Variants in STON2 observed in about 807,000 individuals in gnomAD.
STON2 encodes stonin-2.
Under a neutral mutation model 65.7 loss-of-function variants are expected in STON2, and 29 were observed. The ratio of observed to expected loss-of-function variants is 0.44; its 90% confidence interval spans 0.33 to 0.60. STON2 has a LOEUF of 0.60. Ranked by LOEUF, STON2 falls within the 20% of genes least tolerant of loss-of-function variation. STON2 has a pLI of 0.03. For missense variants in STON2, 1,054 were observed against 1,118.1 expected (o/e 0.94, Z 0.82); for synonymous variants, 404 against 414.2 (o/e 0.98, Z 0.30).
intron 3 of STON2, among the ~76,000 whole-genome samples, chr14:81,378,644 T>C (rs1324477991): frequency 6.6e-6 from 1 of 152,234 alleles, no homozygotes; most frequent in East Asian, 1.9e-4. Context: ...ACATATATTT[T>C]GTTTACTTTT....
intron 4 of STON2, among the ~76,000 whole-genome samples, chr14:81,339,469 T>C (rs1897507493): frequency 1.3e-5 from 2 of 151,970 alleles, no homozygotes; most frequent in African/African-American, 2.4e-5. Flanking sequence ...TCTCCAACCA[T>C]CACTGTGGGA....
chr14:81,264,828 A>C lies in STON2; in HGVS notation c.*3586T>G. 3.0e-6 allele frequency: 3 copies of C among 985,436 alleles called. No individual in the cohort carries two copies. Among genetic ancestry groups the C allele is most frequent in the Non-Finnish European group, 3.6e-6 (3 of 829,926 alleles). 61.0% of individuals were successfully genotyped at this position (985,436 alleles called of 1,614,324 possible). A position where few individuals can be genotyped will look rare whatever the true frequency, so the allele number is the denominator to read the frequency against. ...GAATAACTAGTACTATGTCTGCAAG[A>C]GCAGGCAAGGGGGATCATCTAATGG... On this transcript the variant is annotated 3_prime_UTR_variant, in exon 8 of 8. Transcript: ENST00000614646.
intron 5 of STON2, among the ~76,000 whole-genome samples, chr14:81,318,818 A>G (rs2371574): frequency 0.83 from 126,058 of 152,238 alleles, 52,473 homozygotes; most frequent in African/African-American, 0.89. Flanking sequence ...TCCAGCCTGG[A>G]TGACAGAGTG....
chr14:81,370,048 T>G (rs1405894923), intron 4 of STON2, among the ~76,000 whole-genome samples: 1 of 152,086 alleles, frequency 6.6e-6, no homozygotes, highest in Admixed American at 6.5e-5. Context: ...TCTGCAACAT[T>G]ATCAAATACC....
chr14:81,426,950 AC>A (rs767067401), intron 2 of STON2, among the ~76,000 whole-genome samples: 6 of 152,218 alleles, frequency 3.9e-5, no homozygotes, highest in Non-Finnish European at 7.3e-5. Context: ...TTTGATAAAC[AC>A]TTACGTAACA....
chr14:81,390,193 CAA>C (rs759154677), intron 3 of STON2, among the ~76,000 whole-genome samples: 27 of 88,242 alleles, frequency 3.1e-4, no homozygotes, highest in East Asian at 3.2e-4. Context: ...GACTCCATTT[CAA>C]AAAAAAAAAA....
At chr14:81,304,219 A>C (rs901762929) in intron 5 of STON2, among the ~76,000 whole-genome samples, 2 of 152,102 alleles carry the variant, frequency 1.3e-5, no homozygotes, top group Non-Finnish European at 2.9e-5. Context: ...CCACACACCT[A>C]TTATGGAGGA....
chr14:81,275,269 T>C, intron 6 of STON2, among the ~76,000 whole-genome samples: 1 of 152,154 alleles, frequency 6.6e-6, no homozygotes, highest in Non-Finnish European at 1.5e-5. Flanking sequence ...ATTATTTCAA[T>C]ATTTGTGTCT....
At chr14:81,399,990 C>A (rs1689727427) in intron 1 of STON2, among the ~76,000 whole-genome samples, 1 of 152,166 alleles carries the variant, frequency 6.6e-6, no homozygotes, top group Admixed American at 6.5e-5. Flanking sequence ...CTTCTGCAGC[C>A]AAAACACTCT....
intron 5 of STON2, among the ~76,000 whole-genome samples, chr14:81,289,348 G>C (rs891331526): frequency 6.6e-6 from 1 of 152,122 alleles, no homozygotes; most frequent in Non-Finnish European, 1.5e-5. Context: ...GCTCACCGTT[G>C]CAATAGTTAG....
chr14:81,405,081 T>C (rs1444597844), upstream of STON2, among the ~76,000 whole-genome samples: 4 of 152,206 alleles, frequency 2.6e-5, no homozygotes. Flanking sequence ...TTAGAACTCA[T>C]TTTACTCGAA....
intron 5 of STON2, among the ~76,000 whole-genome samples, chr14:81,283,530 A>ATT (rs10653687): frequency 0.41 from 52,368 of 128,730 alleles, 12,460 homozygotes; most frequent in Middle Eastern, 0.55. Context: ...CAGATACTGC[A>ATT]TTTTTTTTTT....
In STON2 at chr14:81,261,957, AAAAAAG is replaced by A; in HGVS notation, c.*6451_*6456del. 6.9e-7 allele frequency: 1 copy of A among 1,439,818 alleles called. No homozygotes were observed. The highest frequency in any genetic ancestry group is 9.1e-7 in the Non-Finnish European group (1 of 1,103,636). The allele number at this position is 1,439,818 out of a possible 1,614,324, so 89.2% of individuals were successfully genotyped here. A position where few individuals can be genotyped will look rare whatever the true frequency, so the allele number is the denominator to read the frequency against. On this transcript the variant is annotated 3_prime_UTR_variant, in exon 8 of 8. Transcript: ENST00000614646. ...CTGGGGAAATGATAAAAAAAAAAAA[AAAAAAG>A]AGAGAGATGTGAAAAGGAAAAAGAT... is the stretch of plus-strand genomic sequence containing the variant.
At chr14:81,351,195 T>TC (rs2140315519) in intron 4 of STON2, among the ~76,000 whole-genome samples, 1 of 151,058 alleles carries the variant, frequency 6.6e-6, no homozygotes, top group South Asian at 2.1e-4. Flanking sequence ...TTTTTTTTTT[T>TC]CTGGTGGGAG....
At position 81,422,790 on chromosome 14, in the gene STON2, T is replaced by C. The variant is rs369621465; in HGVS notation, c.-199+4312A>G. Among the ~76,000 whole-genome samples, 19 of 152,120 alleles carry C rather than the reference T, an allele frequency of 1.2e-4. No individual in the cohort carries two copies. The East Asian group carries it at 2.3e-3, about 19-fold the overall frequency. ...GGCTCACGCCTGTAATCGCAGCACT[T>C]TGGGAGGCTGAGGCGGGCAGATCAC... is the stretch of plus-strand genomic sequence containing the variant. On this transcript the variant is annotated intron_variant, in intron 2 of 8. Transcript: ENST00000553821.
chr14:81,301,334 C>T (rs773749355), intron 5 of STON2, among the ~76,000 whole-genome samples: 41 of 152,152 alleles, frequency 2.7e-4, no homozygotes, highest in Non-Finnish European at 1.2e-4. Context: ...ACAACACTGC[C>T]AGGTCCTATG....
At chr14:81,397,400 A>T (rs112220899) in intron 2 of STON2, among the ~76,000 whole-genome samples, 12 of 152,346 alleles carry the variant, frequency 7.9e-5, no homozygotes, top group African/African-American at 2.9e-4. Flanking sequence ...TATAATTTCA[A>T]CATGTAAGAA....
chr14:81,371,687 A>AAAGAAAAG (rs1899004338), intron 3 of STON2, among the ~76,000 whole-genome samples: 1 of 146,812 alleles, frequency 6.8e-6, no homozygotes, highest in Admixed American at 6.8e-5. Flanking sequence ...AAAAAAAAAA[A>AAAGAAAAG]AAAAGAAAAG....
chr14:81,322,146 G>A (rs1407492010), intron 5 of STON2, among the ~76,000 whole-genome samples: 1 of 152,052 alleles, frequency 6.6e-6, no homozygotes, highest in African/African-American at 2.4e-5. Context: ...AAGTTAACAA[G>A]GGGCTGGCAC....
Sources: gnomAD v4.1 joint callset for allele counts (sites outside exome capture counted in the v4.1 genomes callset) on GRCh38, gnomAD v4.1.1 for gene constraint, MANE v1.5 for transcripts, NCBI Gene and HGNC (gene_info 2026-07-23, HGNC 2026-07-21) for gene names.